COQ8B: variants seen among roughly 807,000 people sequenced by gnomAD.
COQ8B encodes the protein coenzyme Q8B.
In COQ8B, 44 loss-of-function variants were observed where a neutral mutation model predicts 62.0. That is an observed-to-expected ratio of 0.71 (90% CI 0.56 to 0.91). COQ8B has a LOEUF of 0.91. Among genes scored for constraint, COQ8B ranks in the 40% least tolerant of loss-of-function variants. COQ8B has a pLI of 0.00. For missense variants in COQ8B, 649 were observed against 731.6 expected, an observed-to-expected ratio of 0.89 and a Z score of 1.30; for synonymous variants, 252 against 289.9, an observed-to-expected ratio of 0.87 and a Z score of 1.33.
intron 12 of COQ8B, among the ~76,000 whole-genome samples, chr19:40,699,485 C>G (rs2082045062): frequency 6.6e-6 from 1 of 152,098 alleles, no homozygotes; most frequent in African/African-American, 2.4e-5. Context: ...GTGCCAGGTC[C>G]CCCCACTGGA....
chr19:40,695,887 T>C (rs2082011062), intron 13 of COQ8B, 102 bp downstream of exon 13: 12 of 1,198,836 alleles, frequency 1.0e-5, no homozygotes, highest in Non-Finnish European at 1.5e-5. Context: ...TATTTATTAT[T>C]TCTTAATTCC....
intron 4 of COQ8B, among the ~76,000 whole-genome samples, chr19:40,713,700 AG>A (rs1568444094): frequency 0.018 from 2,636 of 150,564 alleles, 75 homozygotes; most frequent in African/African-American, 0.06. Flanking sequence ...TGGGCAACAG[AG>A]CGAGACTCTG....
rs1242707492 is a variant in COQ8B, at chr19:40,692,073, G to C, written c.1597C>G (p.Leu533Val). The change falls in exon 15 of 15, where the codon CTC becomes GTC. Residue 533 changes from leucine to valine, a missense_variant. Physicochemically the swap from Leu to Val is conservative, Grantham distance 32 (BLOSUM62 1). Coordinates refer to ENST00000324464, the MANE Select transcript of COQ8B (RefSeq NM_024876.4). ...RQPDAATAGS[L>V]PTKGDSWVDP... ...ACCCAGGAGTCCCCTTTGGTGGGGA[G>C]GCTGCCGGCAGTGGCTGCGTCTGGC... The C allele has an allele frequency of 1.9e-6, 3 of 1,608,194 alleles. No homozygotes were observed. The African/African-American group carries it at 4.0e-5, about 21-fold the overall frequency.
Position 40,714,385 on chromosome 19 carries a change from C to G in COQ8B, c.115G>C (p.Gly39Arg). The G allele has an allele frequency of 6.2e-7, 1 of 1,613,974 alleles. No homozygotes were observed. Among genetic ancestry groups the G allele is most frequent in the Non-Finnish European group, 8.5e-7 (1 of 1,179,958 alleles). Residue 39 changes from glycine (G) to arginine (R), a missense_variant, in exon 3 of 15, where the codon GGT (glycine) becomes CGT (arginine). By Grantham distance (125) the Gly-to-Arg change is moderately radical. Coordinates refer to ENST00000324464, the MANE Select transcript of COQ8B (RefSeq NM_024876.4). Reference protein sequence around the residue: ...PGPHRWGPCGGSWAQKFYQDG... With the variant: ...PGPHRWGPCGRSWAQKFYQDG... Reference sequence around the variant, plus strand: ...TGGTAAAACTTTTGGGCCCAAGAACCTCCACATGGTCCCTGCAAGAGATAT... The same window carrying G: ...TGGTAAAACTTTTGGGCCCAAGAACGTCCACATGGTCCCTGCAAGAGATAT...
intron 4 of COQ8B, 110 bp downstream of exon 4, chr19:40,713,957 T>A: frequency 8.3e-7 from 1 of 1,198,720 alleles, no homozygotes; most frequent in Non-Finnish European, 1.2e-6. Flanking sequence ...TCTCTCTTTT[T>A]TTGTCTCTCT....
Position 40,698,217 on chromosome 19 carries a change from G to A in COQ8B, c.1143+1850C>T, listed in dbSNP as rs375336121. ...GGTGACAAGAGCGAGACTTCATCTC[G>A]GGGAAAAAAAAGAAAAGTGTCCCAA... On this transcript the variant is annotated intron_variant, in intron 12 of 14. Coordinates refer to ENST00000324464, the MANE Select transcript of COQ8B (RefSeq NM_024876.4). 6.9e-5 allele frequency among the ~76,000 whole-genome samples: 10 copies of A among 144,920 alleles called. No homozygotes were observed. In the East Asian group the frequency reaches 1.2e-3, roughly 18 times the overall value.
At chr19:40,695,235 T>G (rs2082004748) in intron 13 of COQ8B, among the ~76,000 whole-genome samples, 1 of 150,608 alleles carries the variant, frequency 6.6e-6, no homozygotes, top group Non-Finnish European at 1.5e-5. Context: ...GGAGAATCGC[T>G]TGAACCCAGG....
In COQ8B at chr19:40,716,682, T is replaced by G. The variant is rs1300446793; in HGVS notation, c.-99A>C. ...AACCCACACCCGTGGGAACTCCAAG[T>G]CTTTGAAAGTCCGTCCCGCCCCTGC... is the stretch of plus-strand genomic sequence containing the variant. On this transcript the variant is annotated 5_prime_UTR_variant, in exon 1 of 15. Transcript: ENST00000324464. 1.3e-5 allele frequency: 2 copies of G among 152,314 alleles called. No individual in the cohort carries two copies. The highest frequency in any genetic ancestry group is 2.4e-5 in the African/African-American group (1 of 41,438). 9.4% of individuals were successfully genotyped at this position (152,314 alleles called of 1,614,324 possible). A position where few individuals can be genotyped will look rare whatever the true frequency, so the allele number is the denominator to read the frequency against.
chr19:40,713,911 C>T (rs1163352249), intron 4 of COQ8B, among the ~76,000 whole-genome samples, 156 bp downstream of exon 4: 1 of 152,008 alleles, frequency 6.6e-6, no homozygotes, highest in Non-Finnish European at 1.5e-5. Context: ...TTATGTTCCT[C>T]TTGATTTCTC....
chr19:40,714,318 C>T lies in COQ8B; in HGVS notation c.182G>A (p.Arg61Lys). The T allele has an allele frequency of 6.2e-7, 1 of 1,614,072 alleles. No individual in the cohort carries two copies. The highest frequency in any genetic ancestry group is 8.5e-7 in the Non-Finnish European group (1 of 1,180,006). ...CTTCCTGGGACGGGCCTCCCGTGCC[C>T]TGCGAATGTCCTCCTCACCCAGGCC... is the stretch of plus-strand genomic sequence containing the variant. ...GRGLGEEDIR[R>K]AREARPRKTP... Residue 61 changes from arginine (R) to lysine (K), a missense_variant, in exon 3 of 15, where the codon AGG becomes AAG. Coordinates refer to ENST00000324464, the MANE Select transcript of COQ8B (RefSeq NM_024876.4).
rs186471858 is a variant in COQ8B at position 40,695,480 on chromosome 19, G to A, written c.1209+509C>T. 2.9e-3 allele frequency among the ~76,000 whole-genome samples: 434 copies of A among 152,214 alleles called. 1 individual carries two copies. Among genetic ancestry groups the A allele is most frequent in the Non-Finnish European group, 5.1e-3 (350 of 68,008 alleles). Reference sequence around the variant, plus strand: ...ACTGACCCCAGTGGGTGGGAGAGACGAGCCAAGTACGTGAGGAAACACCTC... The same window carrying A: ...ACTGACCCCAGTGGGTGGGAGAGACAAGCCAAGTACGTGAGGAAACACCTC... On this transcript the variant is annotated intron_variant, in intron 13 of 14. Coordinates refer to ENST00000324464, the MANE Select transcript of COQ8B (RefSeq NM_024876.4).
chr19:40,714,001 C>T, intron 4 of COQ8B, 66 bp downstream of exon 4: 2 of 1,548,100 alleles, frequency 1.3e-6, no homozygotes, highest in South Asian at 1.1e-5. Context: ...CTCTCCCTTG[C>T]TTCAATCTGT....
At chr19:40,696,258 A>G (rs1381579055) in intron 12 of COQ8B, among the ~76,000 whole-genome samples, 2 of 152,130 alleles carry the variant, frequency 1.3e-5, no homozygotes, top group Non-Finnish European at 2.9e-5. Flanking sequence ...TTTAGTTCTA[A>G]TTGTTTATGC....
chr19:40,692,024 C>A lies in COQ8B; in HGVS notation c.*11G>T, dbSNP rs776861438. The A allele has an allele frequency of 2.5e-6, 4 of 1,587,594 alleles. No individual in the cohort carries two copies. In the South Asian group the frequency reaches 3.4e-5, roughly 14 times the overall value. On this transcript the variant is annotated 3_prime_UTR_variant, in exon 15 of 15. Transcript: ENST00000324464. ...GGCCTGCTCTGGGGACTGAATCCCC[C>A]ATGGAGGCTGTCATGAGGGATCCAC...
rs1482509904 is a variant in COQ8B at position 40,692,910 on chromosome 19, C to G, written c.1296+41G>C. ...ATAAGCAGCCCCCCACTGCACCCCA[C>G]CAACAGACACCAGCCCCTTTCTCCC... On this transcript the variant is annotated intron_variant, in intron 14 of 14. Transcript: ENST00000324464. 4.4e-6 allele frequency: 7 copies of G among 1,592,988 alleles called. No homozygotes were observed. The South Asian group carries it at 4.4e-5, about 10-fold the overall frequency.
chr19:40,699,466 C>T (rs1281129040), intron 12 of COQ8B, among the ~76,000 whole-genome samples: 1 of 151,982 alleles, frequency 6.6e-6, no homozygotes, highest in Non-Finnish European at 1.5e-5. Flanking sequence ...TCTAGGTCAT[C>T]GCTGTGTGGT....
intron 13 of COQ8B, 45 bp downstream of exon 13, chr19:40,695,944 T>G (rs1347648919): frequency 6.3e-7 from 1 of 1,590,662 alleles, no homozygotes; most frequent in East Asian, 2.2e-5. Context: ...GTATATGGCT[T>G]GAGCCTCAGC....
chr19:40,716,035 G>A (rs546539862), intron 1 of COQ8B: 3 of 152,400 alleles, frequency 2.0e-5, no homozygotes, highest in Non-Finnish European at 1.5e-5. Context: ...CCCTCTTGTC[G>A]GGAATCAGGC....
chr19:40,703,267 C>A, intron 9 of COQ8B: 1 of 444,114 alleles, frequency 2.3e-6, no homozygotes, highest in Non-Finnish European at 4.0e-6. Flanking sequence ...CCTACAATCC[C>A]GCTCCCTGCA....
Sources: allele counts gnomAD v4.1 joint callset (sites outside exome capture counted in the v4.1 genomes callset), GRCh38; gene constraint gnomAD v4.1.1; transcripts MANE v1.5; gene names NCBI Gene and HGNC (gene_info 2026-07-23, HGNC 2026-07-21).